Variants in HHLA2 observed in about 807,000 individuals in gnomAD.
The protein encoded by HHLA2 is HHLA2 member of B7 family.
HHLA2 carries 48 observed loss-of-function variants against 45.9 expected under a neutral mutation model. That is an observed-to-expected ratio of 1.05 (90% CI 0.83 to 1.33). The LOEUF (loss-of-function observed/expected upper bound fraction) is 1.33, where lower values mean the gene tolerates loss of function less well. Among genes scored for constraint, HHLA2 ranks in the 40% most tolerant of loss-of-function variants. The pLI is 0.00. For synonymous variants in HHLA2, 161 were observed against 173.9 expected, an observed-to-expected ratio of 0.93 and a Z score of 0.59; for missense variants, 462 against 494.3, an observed-to-expected ratio of 0.93 and a Z score of 0.62.
chr3:108,300,231 G>A (rs2080828073), intron 1 of HHLA2, among the ~76,000 whole-genome samples: 1 of 152,116 alleles, frequency 6.6e-6, no homozygotes, highest in Admixed American at 6.6e-5. Context: ...GTAAGCAAGC[G>A]TCCTGTTCAC....
chr3:108,336,840 T>C (rs2081480078), intron 3 of HHLA2, among the ~76,000 whole-genome samples: 1 of 151,870 alleles, frequency 6.6e-6, no homozygotes, highest in South Asian at 2.1e-4. Flanking sequence ...GGTAAGGAGA[T>C]TACATTATGG....
intron 5 of HHLA2, 105 bp from the exon 5 acceptor site, chr3:108,355,010 A>G: frequency 1.6e-6 from 2 of 1,239,046 alleles, no homozygotes; most frequent in Non-Finnish European, 2.2e-6. Context: ...TTGCTCATAA[A>G]ATTTAGCTTT....
chr3:108,366,744 T>C (rs145388896), intron 8 of HHLA2, among the ~76,000 whole-genome samples: 398 of 152,368 alleles, frequency 2.6e-3, no homozygotes, highest in African/African-American at 8.7e-3. Context: ...CTAGATTTTC[T>C]AGTTTATTTG....
At chr3:108,315,217 GC>G (rs1262121012) in intron 2 of HHLA2, among the ~76,000 whole-genome samples, 1 of 152,162 alleles carries the variant, frequency 6.6e-6, no homozygotes, top group Non-Finnish European at 1.5e-5. Context: ...TCAGAGCTGA[GC>G]CCTGGATATT....
Position 108,348,518 on chromosome 3 carries a change from G to A in HHLA2, c.-26-3270G>A, listed in dbSNP as rs1479234076. Among the ~76,000 whole-genome samples the A allele has an allele frequency of 2.0e-5, 3 of 152,116 alleles. No individual in the cohort carries two copies. In the South Asian group the frequency reaches 6.2e-4, roughly 31 times the overall value. On this transcript the variant is annotated intron_variant, in intron 3 of 10. Coordinates refer to ENST00000619531, the Ensembl canonical transcript of HHLA2. ...AAATAGATAATCAAGAGTAAGGGGAGAATTTTTTGTTTTTTCTCATGTTTC... is the reference window on the plus strand; with the variant it reads ...AAATAGATAATCAAGAGTAAGGGGAAAATTTTTTGTTTTTTCTCATGTTTC...
At chr3:108,300,017 C>T (rs9637378) in intron 1 of HHLA2, among the ~76,000 whole-genome samples, 17,096 of 152,024 alleles carry the variant, frequency 0.11, 1,730 homozygotes, top group East Asian at 0.53. Flanking sequence ...AGGGAAATGG[C>T]GCTTTGGGGA....
At chr3:108,358,426 A>C (rs2081935067) in intron 7 of HHLA2, among the ~76,000 whole-genome samples, 3 of 151,996 alleles carry the variant, frequency 2.0e-5, no homozygotes, top group Admixed American at 2.0e-4. Flanking sequence ...CATTTTGATG[A>C]CTCCATGCGC....
intron 8 of HHLA2, 137 bp downstream of exon 7, chr3:108,362,583 C>T (rs2082000940): frequency 1.5e-6 from 1 of 647,244 alleles, no homozygotes; most frequent in Non-Finnish European, 2.7e-6. Flanking sequence ...AAAATTCACC[C>T]AAAATCTTTT....
intron 1 of HHLA2, among the ~76,000 whole-genome samples, chr3:108,299,777 C>T (rs1040740581): frequency 3.3e-5 from 5 of 152,194 alleles, no homozygotes; most frequent in Admixed American, 6.5e-5. Context: ...CCTTATATGC[C>T]CTATCCAGCT....
intron 8 of HHLA2, among the ~76,000 whole-genome samples, chr3:108,372,335 A>G (rs1454686322): frequency 4.0e-5 from 6 of 151,176 alleles, no homozygotes; most frequent in African/African-American, 1.5e-4. Flanking sequence ...CAGTGTGTAG[A>G]GGGAAATTTA....
intron 2 of HHLA2, among the ~76,000 whole-genome samples, chr3:108,318,245 G>C (rs541088466): frequency 6.6e-6 from 1 of 152,060 alleles, no homozygotes; most frequent in South Asian, 2.1e-4. Flanking sequence ...GGTCCTTATG[G>C]AGCAATATTT....
intron 2 of HHLA2, among the ~76,000 whole-genome samples, chr3:108,320,638 A>C (rs2081183148): frequency 6.6e-6 from 1 of 152,128 alleles, no homozygotes; most frequent in Non-Finnish European, 1.5e-5. Context: ...TGTAGTCCTA[A>C]ATATTATATA....
exon 11 of HHLA2, chr3:108,377,304 C>A: frequency 6.4e-7 from 1 of 1,553,642 alleles, no homozygotes; most frequent in African/African-American, 1.4e-5. Flanking sequence ...TGTGACAACT[C>A]ATGACCTGCA....
chr3:108,369,999 C>G (rs1007033108), intron 8 of HHLA2, among the ~76,000 whole-genome samples: 2 of 152,122 alleles, frequency 1.3e-5, no homozygotes, highest in African/African-American at 4.8e-5. Flanking sequence ...GATCTGAGAA[C>G]GGGCAGACTG....
In HHLA2 at chr3:108,353,292, C is replaced by T. The variant is rs2081814187; in HGVS notation, c.65-135C>T. On this transcript the variant is annotated intron_variant, in intron 4 of 10. Coordinates refer to ENST00000619531, the Ensembl canonical transcript of HHLA2. ...CACAGGTTTGTTTCTAATAATCAGA[C>T]AAGTGTTTTTGATTATGTGGTCTAC... is the stretch of plus-strand genomic sequence containing the variant. 1.9e-5 allele frequency: 11 copies of T among 581,160 alleles called. No individual in the cohort carries two copies. The South Asian group carries it at 2.9e-4, about 15-fold the overall frequency. The allele number at this position is 581,160 out of a possible 1,614,324, so 36.0% of individuals were successfully genotyped here.
intron 1 of HHLA2, among the ~76,000 whole-genome samples, chr3:108,304,861 TATAA>T (rs1249022042): frequency 6.6e-6 from 1 of 152,226 alleles, no homozygotes; most frequent in Non-Finnish European, 1.5e-5. Flanking sequence ...CCTGCAGCTG[TATAA>T]ATAGTCACAT....
At chr3:108,372,361 A>G (rs1439451936) in intron 8 of HHLA2, among the ~76,000 whole-genome samples, 1 of 151,750 alleles carries the variant, frequency 6.6e-6, no homozygotes, top group Non-Finnish European at 1.5e-5. Context: ...CTAAATGCCC[A>G]CAAGAGAAAG....
intron 2 of HHLA2, among the ~76,000 whole-genome samples, chr3:108,319,135 A>C (rs1442555467): frequency 6.6e-6 from 1 of 152,110 alleles, no homozygotes; most frequent in Non-Finnish European, 1.5e-5. Context: ...CCTTGATGAG[A>C]TAGTTCAGAA....
intron 1 of HHLA2, among the ~76,000 whole-genome samples, chr3:108,297,730 C>T (rs1159267138): frequency 6.6e-6 from 1 of 152,080 alleles, no homozygotes; most frequent in Non-Finnish European, 1.5e-5. Flanking sequence ...GGCGTGTGGC[C>T]CACCAGCATG....
Sources: allele counts gnomAD v4.1 joint callset (sites outside exome capture counted in the v4.1 genomes callset), GRCh38; gene constraint gnomAD v4.1.1; transcripts MANE v1.5; gene names NCBI Gene and HGNC (gene_info 2026-07-23, HGNC 2026-07-21).